The following RHCE variants were observed in gnomAD, a reference collection of about 807,000 sequenced individuals.
The protein encoded by RHCE is blood group Rh(CE) polypeptide.
In RHCE, 22 loss-of-function variants were observed where a neutral mutation model predicts 43.8. The ratio of observed to expected loss-of-function variants is 0.50; its 90% confidence interval spans 0.36 to 0.72. The LOEUF (loss-of-function observed/expected upper bound fraction) is 0.72, where lower values mean the gene tolerates loss of function less well. Among genes scored for constraint, RHCE ranks in the 30% least tolerant of loss-of-function variants. RHCE has a pLI of 0.00. For synonymous variants in RHCE, 156 were observed against 210.7 expected (o/e 0.74, Z 2.25); for missense variants, 385 against 525.4 (o/e 0.73, Z 2.61).
chr1:25,413,573 A>C (rs1423811494), intron 1 of RHCE, among the ~76,000 whole-genome samples: 2 of 152,142 alleles, frequency 1.3e-5, no homozygotes, highest in Non-Finnish European at 2.9e-5. Flanking sequence ...AGTTTATGAA[A>C]GCCTCATGAC....
chr1:25,402,630 C>T lies in RHCE; in HGVS notation c.452G>A (p.Gly151Asp). The T allele has an allele frequency of 6.2e-7, 1 of 1,614,084 alleles. No homozygotes were observed. Among genetic ancestry groups the T allele is most frequent in the East Asian group, 2.2e-5 (1 of 44,874 alleles). The change falls in exon 3 of 10, where the codon GGC becomes GAC. Residue 151 changes from glycine to aspartate, a missense_variant. Gly to Asp is a moderately conservative substitution (Grantham distance 94). Coordinates refer to ENST00000294413, the MANE Select transcript of RHCE (RefSeq NM_020485.8). ...VMVLVEVTALGTLRMVISNIF... is the reference protein window; with the variant it reads ...VMVLVEVTALDTLRMVISNIF... The stretch of plus-strand genomic sequence containing the variant: ...ATTACTGATGACCATCCTCAGGGTG[C>T]CTAAAGCTGTCACCTCCACCAGCAC...
intron 2 of RHCE, among the ~76,000 whole-genome samples, chr1:25,426,537 T>A (rs1313873827): frequency 1.3e-5 from 2 of 152,230 alleles, no homozygotes; most frequent in African/African-American, 4.8e-5. Context: ...TGTGCCACAG[T>A]GTCCTCATCT....
intron 1 of RHCE, among the ~76,000 whole-genome samples, chr1:25,414,201 T>A (rs1459594066): frequency 2.6e-5 from 4 of 151,578 alleles, no homozygotes; most frequent in African/African-American, 9.7e-5. Context: ...AAAGAGTTCG[T>A]TTGGATAACA....
chr1:25,389,150 T>C, intron 5 of RHCE, 37 bp from the exon 6 acceptor site: 2 of 1,605,698 alleles, frequency 1.2e-6, no homozygotes, highest in Non-Finnish European at 1.7e-6. Context: ...GGAAGCAAGG[T>C]AGAGAGAGAA....
intron 2 of RHCE, among the ~76,000 whole-genome samples, chr1:25,403,410 C>T (rs1489724839): frequency 6.6e-6 from 1 of 152,112 alleles, no homozygotes; most frequent in Admixed American, 6.6e-5. Flanking sequence ...AGCACCAAGA[C>T]TGGCACAAAG....
chr1:25,362,592 CCA>C (rs1645433862), intron 9 of RHCE, 39 bp from the exon 10 acceptor site: 1 of 1,399,728 alleles, frequency 7.1e-7, no homozygotes, highest in African/African-American at 1.5e-5. Context: ...GCAGATGAAC[CCA>C]CATACTGATT....
chr1:25,388,545 C>A (rs1646255739), intron 6 of RHCE, among the ~76,000 whole-genome samples: 1 of 151,294 alleles, frequency 6.6e-6, no homozygotes, highest in Non-Finnish European at 1.5e-5. Context: ...CCAAGAGATT[C>A]CATCCACCAG....
intron 5 of RHCE, among the ~76,000 whole-genome samples, chr1:25,389,410 G>A (rs1450422474): frequency 6.6e-6 from 1 of 152,094 alleles, no homozygotes; most frequent in African/African-American, 2.4e-5. Context: ...ACTCATTAGT[G>A]GTGTGTCCCT....
At chr1:25,424,846 G>C (rs1343283414), upstream of RHCE, among the ~76,000 whole-genome samples, 1 of 151,232 alleles carries the variant, frequency 6.6e-6, no homozygotes, top group Non-Finnish European at 1.5e-5. Flanking sequence ...TTTAGATGGA[G>C]TACTCTGTCA....
chr1:25,395,763 C>T (rs561917210), intron 3 of RHCE, among the ~76,000 whole-genome samples: 9 of 152,210 alleles, frequency 5.9e-5, no homozygotes, highest in South Asian at 2.1e-4. Flanking sequence ...AACAGAGAAG[C>T]GAAAGCTTTT....
upstream of RHCE, among the ~76,000 whole-genome samples, chr1:25,425,561 T>C (rs1339142083): frequency 6.6e-6 from 1 of 152,160 alleles, no homozygotes; most frequent in Non-Finnish European, 1.5e-5. Context: ...TGTACTCTGG[T>C]CTCCTCACAG....
chr1:25,427,620 T>G (rs2042814933), intron 2 of RHCE, among the ~76,000 whole-genome samples: 1 of 151,944 alleles, frequency 6.6e-6, no homozygotes, highest in Non-Finnish European at 1.5e-5. Flanking sequence ...AGAGGAAGAG[T>G]ATGGAGATGG....
At chr1:25,387,244 T>C (rs1160592727) in intron 6 of RHCE, among the ~76,000 whole-genome samples, 1 of 152,186 alleles carries the variant, frequency 6.6e-6, no homozygotes, top group Non-Finnish European at 1.5e-5. Flanking sequence ...ACATTCCCCA[T>C]GTCTCTGCCT....
At chr1:25,402,134 C>T (rs1362324649) in intron 3 of RHCE, among the ~76,000 whole-genome samples, 1 of 152,064 alleles carries the variant, frequency 6.6e-6, no homozygotes, top group Admixed American at 6.5e-5. Context: ...TCCTTGGCCT[C>T]CCAAAGTGCT....
At chr1:25,423,878 G>C (rs890311687), upstream of RHCE, among the ~76,000 whole-genome samples, 5 of 152,200 alleles carry the variant, frequency 3.3e-5, no homozygotes, top group Non-Finnish European at 7.4e-5. Flanking sequence ...AAAATGCTGG[G>C]AAAAAAGCAC....
chr1:25,395,730 A>G (rs1346212366), intron 3 of RHCE, among the ~76,000 whole-genome samples: 1 of 152,216 alleles, frequency 6.6e-6, no homozygotes, highest in African/African-American at 2.4e-5. Flanking sequence ...GGTAATATAA[A>G]CAAATACATA....
chr1:25,425,267 C>T (rs1170299879), upstream of RHCE, among the ~76,000 whole-genome samples: 3 of 152,194 alleles, frequency 2.0e-5, no homozygotes, highest in Non-Finnish European at 4.4e-5. Context: ...ATAACAGCTA[C>T]CATTTCTGGA....
intron 7 of RHCE, 62 bp downstream of exon 7, chr1:25,385,649 C>T: frequency 6.2e-7 from 1 of 1,613,072 alleles, no homozygotes; most frequent in Non-Finnish European, 8.5e-7. Context: ...GGACTCTGCA[C>T]ACATTTCTTC....
At position 25,362,251 on chromosome 1, in the gene RHCE, A is replaced by C. The variant is rs569051676; in HGVS notation, c.*276T>G. ...GAAAGAATCTTAAGAATTGTCAATA[A>C]AATTAACCCAAAACTTTAATAATGT... On this transcript the variant is annotated 3_prime_UTR_variant, in exon 10 of 10. Transcript: ENST00000294413. The C allele has an allele frequency of 7.6e-6, 5 of 660,880 alleles. No homozygotes were observed. The highest frequency in any genetic ancestry group is 4.3e-4 in the Middle Eastern group (1 of 2,328). 40.9% of individuals were successfully genotyped at this position (660,880 alleles called of 1,614,324 possible).
Sources: allele counts gnomAD v4.1 joint callset (sites outside exome capture counted in the v4.1 genomes callset), GRCh38; gene constraint gnomAD v4.1.1; transcripts MANE v1.5; gene names NCBI Gene and HGNC (gene_info 2026-07-23, HGNC 2026-07-21).